SEC24B: variants seen among roughly 807,000 people sequenced by gnomAD.
SEC24B encodes protein transport protein Sec24B.
Under a neutral mutation model 142.8 loss-of-function variants are expected in SEC24B, and 45 were observed. That is an observed-to-expected ratio of 0.32 (90% confidence interval 0.25 to 0.40). The LOEUF (loss-of-function observed/expected upper bound fraction) is 0.40. Ranked by LOEUF, SEC24B falls within the 10% of genes least tolerant of loss-of-function variation. The probability of loss-of-function intolerance (pLI) is 1.00; values close to 1 mark genes in which losing one functional copy is unlikely to be tolerated. For missense variants in SEC24B, 1,409 were observed against 1,526.8 expected (o/e 0.92, Z 1.29); for synonymous variants, 574 against 568.2 (o/e 1.01, Z -0.15).
At chr4:109,467,325 CAAAAA>C (rs70949083) in intron 2 of SEC24B, among the ~76,000 whole-genome samples, 1 of 59,850 alleles carries the variant, frequency 1.7e-5, no homozygotes, top group Admixed American at 1.7e-4. Flanking sequence ...GACTCCGTCT[CAAAAA>C]AAAAAAAAAA....
At chr4:109,498,892 T>C (rs1303942609) in intron 6 of SEC24B, among the ~76,000 whole-genome samples, 1 of 139,752 alleles carries the variant, frequency 7.2e-6, no homozygotes, top group Non-Finnish European at 1.6e-5. Flanking sequence ...ACCTTAAAAT[T>C]TGTTTTTTAG....
At chr4:109,509,958 G>A in intron 7 of SEC24B, 51 bp from the exon 8 acceptor site, 2 of 1,121,732 alleles carry the variant, frequency 1.8e-6, no homozygotes, top group Non-Finnish European at 2.6e-6. Flanking sequence ...CTACTTCAGT[G>A]TATTTTTCTC....
chr4:109,496,289 T>A (rs576123660), intron 6 of SEC24B, among the ~76,000 whole-genome samples: 6 of 152,132 alleles, frequency 3.9e-5, no homozygotes, highest in Admixed American at 6.5e-5. Flanking sequence ...ATTTTTGTAT[T>A]TTTAGTAGAG....
chr4:109,484,512 A>C (rs1734144040), intron 4 of SEC24B, among the ~76,000 whole-genome samples: 1 of 152,166 alleles, frequency 6.6e-6, no homozygotes, highest in African/African-American at 2.4e-5. Flanking sequence ...GAGACTATTT[A>C]AATGTTGTGT....
At chr4:109,440,108 G>A (rs1246761070) in intron 1 of SEC24B, among the ~76,000 whole-genome samples, 69 of 149,250 alleles carry the variant, frequency 4.6e-4, no homozygotes, top group Non-Finnish European at 8.0e-4. Context: ...GGACAAGAGC[G>A]AGACTTCGTC....
intron 8 of SEC24B, 150 bp from the exon 9 acceptor site, chr4:109,511,807 A>G (rs999160683): frequency 3.8e-5 from 27 of 710,790 alleles, no homozygotes; most frequent in Admixed American, 1.7e-4. Flanking sequence ...GTGTTGCTCA[A>G]CATGTCCCTG....
intron 3 of SEC24B, among the ~76,000 whole-genome samples, chr4:109,477,777 G>C (rs1001897245): frequency 5.9e-5 from 9 of 151,750 alleles, no homozygotes; most frequent in Non-Finnish European, 1.0e-4. Context: ...TTCACTTGTT[G>C]GTAAATATTT....
intron 1 of SEC24B, 72 bp downstream of exon 1, chr4:109,434,074 G>A: frequency 2.1e-6 from 2 of 970,280 alleles, no homozygotes; most frequent in Non-Finnish European, 2.5e-6. Flanking sequence ...ACATCGGGGC[G>A]GGGCGGGCCG....
At chr4:109,481,133 A>G (rs1733699635) in intron 3 of SEC24B, among the ~76,000 whole-genome samples, 1 of 152,076 alleles carries the variant, frequency 6.6e-6, no homozygotes, top group South Asian at 2.1e-4. Context: ...CTCCCAGAGT[A>G]TCTACTGTTA....
intron 11 of SEC24B, among the ~76,000 whole-genome samples, chr4:109,516,961 A>G (rs961621684): frequency 3.9e-5 from 6 of 152,318 alleles, no homozygotes; most frequent in African/African-American, 9.6e-5. Context: ...GAGACTATCA[A>G]AAAGACAAAA....
In SEC24B at chr4:109,463,181, A is replaced by G. The variant is rs1194679185; in HGVS notation, c.414A>G (p.Ala138=). The G allele has an allele frequency of 1.2e-6, 2 of 1,614,202 alleles. No individual in the cohort carries two copies. Among genetic ancestry groups the G allele is most frequent in the African/African-American group, 1.3e-5 (1 of 75,034 alleles). ...CTCTAGGATCTTTCCAAGGTGCTGCATCGTCAGCATCCCATTTGCATACGA... is the reference window on the plus strand; with the variant it reads ...CTCTAGGATCTTTCCAAGGTGCTGCGTCGTCAGCATCCCATTTGCATACGA... ...GSTLGSFQGA[A]SSASHLHTSA... The change falls in exon 2 of 24, where the codon GCA becomes GCG. Residue 138 remains alanine, a synonymous_variant. Coordinates refer to ENST00000265175, the MANE Select transcript of SEC24B (RefSeq NM_006323.5).
At chr4:109,535,783 C>T (rs541721526) in intron 22 of SEC24B, among the ~76,000 whole-genome samples, 308 of 150,202 alleles carry the variant, frequency 2.1e-3, no homozygotes, top group African/African-American at 6.6e-3. Context: ...AACCGGGAGG[C>T]GGAGCTTGCA....
At chr4:109,494,914 T>C in intron 6 of SEC24B, 58 bp downstream of exon 6, 1 of 1,589,904 alleles carries the variant, frequency 6.3e-7, no homozygotes, top group South Asian at 1.1e-5. Flanking sequence ...TTCTGACAAG[T>C]TACTGGTGGG....
At chr4:109,457,298 T>C (rs1201242820) in intron 1 of SEC24B, among the ~76,000 whole-genome samples, 1 of 152,232 alleles carries the variant, frequency 6.6e-6, no homozygotes, top group East Asian at 1.9e-4. Context: ...AATTAAGGTG[T>C]TGGCAGGTCT....
chr4:109,435,592 C>T (rs1435507123), intron 1 of SEC24B, among the ~76,000 whole-genome samples: 4 of 152,168 alleles, frequency 2.6e-5, no homozygotes, highest in Non-Finnish European at 5.9e-5. Context: ...TTTGTGAACA[C>T]TCAAGAATGC....
At chr4:109,518,502 A>G (rs946429609) in intron 11 of SEC24B, among the ~76,000 whole-genome samples, 15 of 152,176 alleles carry the variant, frequency 9.9e-5, no homozygotes, top group African/African-American at 3.6e-4. Flanking sequence ...TTTGAGCTTG[A>G]AGAGTCCTTG....
At chr4:109,520,332 A>T in intron 11 of SEC24B, 34 bp from the exon 12 acceptor site, 1 of 1,188,852 alleles carries the variant, frequency 8.4e-7, no homozygotes, top group Non-Finnish European at 1.3e-6. Flanking sequence ...GTTACTGAGC[A>T]CTCTGAATTT....
Position 109,510,136 on chromosome 4 carries a change from A to G in SEC24B, c.1776+25A>G, listed in dbSNP as rs752431441. The stretch of plus-strand genomic sequence containing the variant: ...GGTAAAGTAACATTTTATAATATTT[A>G]TGGGTACTGACATGTATGCTTATGT... On this transcript the variant is annotated intron_variant, in intron 8 of 23. Transcript: ENST00000265175. The G allele has an allele frequency of 6.0e-6, 8 of 1,341,556 alleles. No individual in the cohort carries two copies. In the East Asian group the frequency reaches 7.1e-5, roughly 12 times the overall value. The allele number at this position is 1,341,556 out of a possible 1,614,324, so 83.1% of individuals were successfully genotyped here.
At position 109,450,298 on chromosome 4, in the gene SEC24B, C is replaced by G. The variant is rs146710416; in HGVS notation, c.134-12603C>G. On this transcript the variant is annotated intron_variant, in intron 1 of 23. Transcript: ENST00000265175. ...GATTTGTGGGCTTATGTTCAAATCACCACAGTAATTAAGAAATATTCTTTG... is the reference window on the plus strand; with the variant it reads ...GATTTGTGGGCTTATGTTCAAATCAGCACAGTAATTAAGAAATATTCTTTG... Among the ~76,000 whole-genome samples the G allele has an allele frequency of 5.0e-3, 758 of 152,246 alleles. 5 individuals carry two copies. Among genetic ancestry groups the G allele is most frequent in the Middle Eastern group, 0.024 (7 of 294 alleles).
Sources: gnomAD v4.1 joint callset for allele counts (sites outside exome capture counted in the v4.1 genomes callset) on GRCh38, gnomAD v4.1.1 for gene constraint, MANE v1.5 for transcripts, NCBI Gene and HGNC (gene_info 2026-07-23, HGNC 2026-07-21) for gene names.